The following OR6N1 variants were observed in gnomAD, a reference collection of about 807,000 sequenced individuals.
The protein encoded by OR6N1 is olfactory receptor family 6 subfamily N member 1.
For synonymous variants in OR6N1, 170 were observed against 150.7 expected, an observed-to-expected ratio of 1.13 and a Z score of -0.94; for missense variants, 394 against 371.7, an observed-to-expected ratio of 1.06 and a Z score of -0.49.
the OR6N1 span, among the ~76,000 whole-genome samples, chr1:158,810,216 A>G: frequency 4.3e-4 from 65 of 152,184 alleles, no homozygotes; most frequent in African/African-American, 1.6e-3. Flanking sequence ...TTTTCCTCCC[A>G]CACCCTAATA....
At chr1:158,786,843 GGAAA>G in the OR6N1 span, among the ~76,000 whole-genome samples, 2 of 151,934 alleles carry the variant, frequency 1.3e-5, no homozygotes, top group African/African-American at 4.8e-5. Context: ...GACTCAGGGG[GGAAA>G]AGGTGAGGAG....
At chr1:158,784,001 G>A in the OR6N1 span, among the ~76,000 whole-genome samples, 1 of 152,124 alleles carries the variant, frequency 6.6e-6, no homozygotes, top group African/African-American at 2.4e-5. Flanking sequence ...ACCTACTCGG[G>A]AGGCTGAGGC....
chr1:158,785,342 TTA>T, the OR6N1 span, among the ~76,000 whole-genome samples: 1 of 152,312 alleles, frequency 6.6e-6, no homozygotes, highest in Admixed American at 6.5e-5. Flanking sequence ...TATTAAACTA[TTA>T]TATATTAACT....
the OR6N1 span, among the ~76,000 whole-genome samples, chr1:158,788,310 G>T: frequency 7.9e-5 from 12 of 152,188 alleles, no homozygotes; most frequent in East Asian, 2.1e-3. Context: ...CATCTATCTT[G>T]TTTCTGTGCA....
chr1:158,782,175 C>G, the OR6N1 span, among the ~76,000 whole-genome samples: 1 of 152,142 alleles, frequency 6.6e-6, no homozygotes, highest in Non-Finnish European at 1.5e-5. Context: ...TTATTTGAAC[C>G]AGTATTTTAT....
At chr1:158,781,348 A>T in the OR6N1 span, 4 of 152,256 alleles carry the variant, frequency 2.6e-5, no homozygotes, top group African/African-American at 9.7e-5. Flanking sequence ...GAGACCTCCA[A>T]CCCCAGAGAC....
At chr1:158,776,907 T>G (rs1220785569), upstream of OR6N1, 2 of 1,614,120 alleles carry the variant, frequency 1.2e-6, no homozygotes, top group Non-Finnish European at 1.7e-6. Context: ...CAGCAAGATG[T>G]GAGGCACAGG....
chr1:158,810,807 C>T, the OR6N1 span, among the ~76,000 whole-genome samples: 1 of 152,162 alleles, frequency 6.6e-6, no homozygotes, highest in Non-Finnish European at 1.5e-5. Flanking sequence ...GCCAAATGAC[C>T]AGAAAGGAGT....
the OR6N1 span, among the ~76,000 whole-genome samples, chr1:158,816,372 G>A: frequency 6.6e-6 from 1 of 151,956 alleles, no homozygotes; most frequent in African/African-American, 2.4e-5. Flanking sequence ...TTAAACATAA[G>A]GAAAGAGATG....
Position 158,765,175 on chromosome 1 carries a change from C to T in OR6N1, c.*569G>A, listed in dbSNP as rs112906274. The stretch of plus-strand genomic sequence containing the variant: ...TTCAAAACACTCTTCAAGAAAATAC[C>T]ATTATCAAATAATGAAATTAAGACT... On this transcript the variant is annotated 3_prime_UTR_variant, in exon 2 of 2. Coordinates refer to ENST00000641846, the MANE Select transcript of OR6N1 (RefSeq NM_001005185.2). The T allele has an allele frequency of 6.6e-6, 1 of 152,136 alleles. No homozygotes were observed. The highest frequency in any genetic ancestry group is 6.5e-5 in the Admixed American group (1 of 15,282). The allele number at this position is 152,136 out of a possible 1,614,324, so 9.4% of individuals were successfully genotyped here.
the OR6N1 span, among the ~76,000 whole-genome samples, chr1:158,809,825 A>G: frequency 2.0e-5 from 3 of 152,232 alleles, no homozygotes; most frequent in Non-Finnish European, 4.4e-5. Context: ...AAAGAAATGC[A>G]GAATCTCCAA....
At chr1:158,777,777 T>C in the OR6N1 span, 4 of 598,782 alleles carry the variant, frequency 6.7e-6, no homozygotes, top group East Asian at 1.1e-4. Flanking sequence ...CTACTATTAC[T>C]ATTACTGTAA....
At chr1:158,836,471 A>G in the OR6N1 span, among the ~76,000 whole-genome samples, 1 of 151,980 alleles carries the variant, frequency 6.6e-6, no homozygotes, top group Non-Finnish European at 1.5e-5. Flanking sequence ...TATGTTTCTA[A>G]TAATTTATCC....
At chr1:158,766,788 C>T in intron 1 of OR6N1, 88 bp from the exon 2 acceptor site, 3 of 741,458 alleles carry the variant, frequency 4.0e-6, no homozygotes, top group Non-Finnish European at 6.5e-6. Context: ...ATTGCCCTCC[C>T]TTCTCTCACC....
chr1:158,804,043 G>A, the OR6N1 span, among the ~76,000 whole-genome samples: 4 of 152,158 alleles, frequency 2.6e-5, no homozygotes, highest in African/African-American at 9.7e-5. Context: ...TGAGGCAGGA[G>A]GCAATGTTCA....
At chr1:158,838,545 A>G in the OR6N1 span, among the ~76,000 whole-genome samples, 2 of 152,050 alleles carry the variant, frequency 1.3e-5, no homozygotes, top group African/African-American at 4.8e-5. Context: ...TAATTTGATA[A>G]TAATGTGTCA....
chr1:158,807,049 C>A, the OR6N1 span, among the ~76,000 whole-genome samples: 1 of 137,590 alleles, frequency 7.3e-6, no homozygotes, highest in South Asian at 2.5e-4. Flanking sequence ...AGAATCAAAA[C>A]TCCCTAAGCT....
chr1:158,831,204 A>C, the OR6N1 span: 9 of 152,220 alleles, frequency 5.9e-5, no homozygotes, highest in Non-Finnish European at 1.0e-4. Flanking sequence ...ATTTACTGTC[A>C]TTTCTCCTTG....
In OR6N1 at chr1:158,765,909, C is replaced by A. The variant is rs1176003570; in HGVS notation, c.774G>T (p.Met258Ile). The change falls in exon 2 of 2, where the codon ATG becomes ATT. Residue 258 changes from methionine (M) to isoleucine (I), a missense_variant. Coordinates refer to ENST00000641846, the MANE Select transcript of OR6N1 (RefSeq NM_001005185.2). Reference sequence around the variant, plus strand: ...AGTAGCTCTTCTTCAGCTGCACATACATGGAAAGGATGCTCCCATAGAAGA... The same window carrying A: ...AGTAGCTCTTCTTCAGCTGCACATAAATGGAAAGGATGCTCCCATAGAAGA... The part of the protein sequence containing the change: ...VLIFYGSILS[M>I]YVQLKKSYSL... 6.2e-7 allele frequency: 1 copy of A among 1,614,158 alleles called. No homozygotes were observed. The highest frequency in any genetic ancestry group is 8.5e-7 in the Non-Finnish European group (1 of 1,180,010).
Sources: allele counts gnomAD v4.1 joint callset (sites outside exome capture counted in the v4.1 genomes callset), GRCh38; gene constraint gnomAD v4.1.1; transcripts MANE v1.5; gene names NCBI Gene and HGNC (gene_info 2026-07-23, HGNC 2026-07-21).